GSE1: variants seen among roughly 807,000 people sequenced by gnomAD.
The protein encoded by GSE1 is genetic suppressor element 1.
Under a neutral mutation model 112.6 loss-of-function variants are expected in GSE1, and 32 were observed. The ratio of observed to expected loss-of-function variants is 0.28; its 90% CI spans 0.21 to 0.38. The LOEUF (loss-of-function observed/expected upper bound fraction) is 0.38. Among genes scored for constraint, GSE1 ranks in the 10% least tolerant of loss-of-function variants. The pLI, the probability that GSE1 is intolerant of heterozygous loss-of-function variation, is 1.00. For missense variants in GSE1, 2,348 were observed against 1,699.2 expected (o/e 1.38, Z -6.71); for synonymous variants, 1,115 against 735.6 (o/e 1.52, Z -8.35).
chr16:85,424,020 A>T (rs2048911677), intron 2 of GSE1, among the ~76,000 whole-genome samples: 1 of 152,202 alleles, frequency 6.6e-6, no homozygotes, highest in Non-Finnish European at 1.5e-5. Flanking sequence ...ACCTGCATCC[A>T]CCAGGGAGGC....
At chr16:85,522,284 G>A (rs992525972) in intron 2 of GSE1, among the ~76,000 whole-genome samples, 7 of 152,224 alleles carry the variant, frequency 4.6e-5, no homozygotes, top group Admixed American at 2.0e-4. Flanking sequence ...AAGCCTGCCT[G>A]AGCTGTGGTC....
At chr16:85,665,448 C>T (rs947773818) in intron 12 of GSE1, among the ~76,000 whole-genome samples, 1 of 152,204 alleles carries the variant, frequency 6.6e-6, no homozygotes, top group African/African-American at 2.4e-5. Flanking sequence ...ATGGTACCAT[C>T]CCAGGAGGGA....
intron 3 of GSE1, among the ~76,000 whole-genome samples, chr16:85,649,650 C>A (rs971709431): frequency 4.5e-4 from 68 of 152,128 alleles, no homozygotes; most frequent in Non-Finnish European, 4.1e-4. Context: ...CCACCCCTGG[C>A]GCGCAGCCTG....
In GSE1 at chr16:85,663,550, C is replaced by A; in HGVS notation, c.2580C>A (p.Phe860Leu). ...ATGAGATGAACAACAGTCCCAACTT[C>A]GAAGAAAAGAAGAAGTTCCTGACCA... ...SPDEMNNSPNFEEKKKFLTIF... is the reference protein window; with the variant it reads ...SPDEMNNSPNLEEKKKFLTIF... Residue 860 changes from phenylalanine to leucine, a missense_variant, in exon 11 of 16, where the codon TTC becomes TTA. Coordinates refer to ENST00000253458, the MANE Select transcript of GSE1 (RefSeq NM_014615.5). 6.2e-7 allele frequency: 1 copy of A among 1,613,910 alleles called. No individual in the cohort carries two copies. The highest frequency in any genetic ancestry group is 8.5e-7 in the Non-Finnish European group (1 of 1,180,018).
intron 2 of GSE1, among the ~76,000 whole-genome samples, chr16:85,389,622 C>T (rs2047790841): frequency 6.6e-6 from 1 of 152,168 alleles, no homozygotes; most frequent in African/African-American, 2.4e-5. Flanking sequence ...TCCCTCCCAC[C>T]ATTTGTCACT....
intron 1 of GSE1, among the ~76,000 whole-genome samples, chr16:85,221,841 C>G (rs1207875127): frequency 1.3e-5 from 2 of 152,184 alleles, no homozygotes; most frequent in East Asian, 3.9e-4. Flanking sequence ...GGGGCCAGAG[C>G]CCACGTCAGT....
At chr16:85,536,848 A>G (rs2044345924) in intron 2 of GSE1, among the ~76,000 whole-genome samples, 1 of 152,222 alleles carries the variant, frequency 6.6e-6, no homozygotes, top group African/African-American at 2.4e-5. Context: ...TGCTGTCAGG[A>G]AAGATCATGG....
intron 1 of GSE1, among the ~76,000 whole-genome samples, chr16:85,571,553 C>T (rs754526400): frequency 1.3e-5 from 2 of 152,112 alleles, no homozygotes; most frequent in South Asian, 2.1e-4. Flanking sequence ...GATACTGGCA[C>T]GGGCCTGGGA....
At chr16:85,450,740 C>A (rs1332776502) in intron 2 of GSE1, among the ~76,000 whole-genome samples, 2 of 151,996 alleles carry the variant, frequency 1.3e-5, no homozygotes, top group Non-Finnish European at 2.9e-5. Context: ...TGAGCCACCT[C>A]GCCCGGCCCA....
intron 1 of GSE1, among the ~76,000 whole-genome samples, chr16:85,335,469 G>C (rs1159706077): frequency 6.6e-6 from 1 of 150,812 alleles, no homozygotes; most frequent in African/African-American, 2.5e-5. Context: ...GGCGGAGGCC[G>C]TGCTGTGCGG....
At chr16:85,345,482 C>T (rs1424475905) in intron 1 of GSE1, among the ~76,000 whole-genome samples, 2 of 152,162 alleles carry the variant, frequency 1.3e-5, no homozygotes. Context: ...GTTCCTTGTT[C>T]CAGGAACACT....
intron 2 of GSE1, among the ~76,000 whole-genome samples, chr16:85,435,106 C>G (rs1450364423): frequency 6.6e-6 from 1 of 152,188 alleles, no homozygotes; most frequent in African/African-American, 2.4e-5. Context: ...GCACTGGGGT[C>G]CCTCCAGCCC....
chr16:85,506,969 C>T (rs767425281), intron 2 of GSE1, among the ~76,000 whole-genome samples: 65 of 152,304 alleles, frequency 4.3e-4, no homozygotes, highest in Admixed American at 3.5e-3. Context: ...CACGCCACCC[C>T]GCAAGCTTGG....
intron 1 of GSE1, among the ~76,000 whole-genome samples, chr16:85,342,329 G>A (rs1037012703): frequency 5.3e-5 from 8 of 152,218 alleles, no homozygotes; most frequent in African/African-American, 1.7e-4. Context: ...TAGCTGAGCT[G>A]CCATTTTTCA....
intron 2 of GSE1, among the ~76,000 whole-genome samples, chr16:85,408,849 C>T (rs1205066453): frequency 1.9e-5 from 1 of 51,472 alleles, no homozygotes; most frequent in Non-Finnish European, 4.0e-5. Flanking sequence ...CACTCAGGCC[C>T]CCCTGGATAA....
exon 1 of GSE1, chr16:85,170,611 C>G (rs2074344009): frequency 2.0e-6 from 2 of 985,384 alleles, no homozygotes; most frequent in African/African-American, 1.7e-5. Context: ...CCGGGCGGCA[C>G]CAGCAGAAGG....
chr16:85,356,083 C>T (rs1422235192), intron 1 of GSE1, among the ~76,000 whole-genome samples: 1 of 152,152 alleles, frequency 6.6e-6, no homozygotes, highest in Non-Finnish European at 1.5e-5. Context: ...CATGGGATGA[C>T]CCCCCTGCAG....
intron 2 of GSE1, among the ~76,000 whole-genome samples, chr16:85,513,237 C>T (rs1330109654): frequency 6.6e-6 from 1 of 152,130 alleles, no homozygotes; most frequent in East Asian, 1.9e-4. Context: ...ACCCAGACTC[C>T]AGCCCGCCTG....
At chr16:85,492,821 A>G (rs939480946) in intron 2 of GSE1, among the ~76,000 whole-genome samples, 1 of 152,112 alleles carries the variant, frequency 6.6e-6, no homozygotes, top group African/African-American at 2.4e-5. Flanking sequence ...CTGGGCTCAG[A>G]TCACACATGT....
Sources: gnomAD v4.1 joint callset for allele counts (sites outside exome capture counted in the v4.1 genomes callset) on GRCh38, gnomAD v4.1.1 for gene constraint, MANE v1.5 for transcripts, NCBI Gene and HGNC (gene_info 2026-07-23, HGNC 2026-07-21) for gene names.